Variants in FHIT observed in about 807,000 individuals in gnomAD.
FHIT encodes fragile histidine triad diadenosine triphosphatase.
FHIT carries 19 observed loss-of-function variants against 17.9 expected under a neutral mutation model. The ratio of observed to expected loss-of-function variants is 1.06; its 90% CI spans 0.74 to 1.56. The LOEUF (loss-of-function observed/expected upper bound fraction) is 1.56, where lower values mean the gene tolerates loss of function less well. Ranked by LOEUF, FHIT falls within the 40% of genes most tolerant of loss-of-function variation. FHIT has a pLI of 0.00. For missense variants in FHIT, 248 were observed against 189.2 expected (o/e 1.31, Z -1.82); for synonymous variants, 81 against 69.7 (o/e 1.16, Z -0.81).
At chr3:60,958,671 A>G (rs1553779642) in intron 3 of FHIT, among the ~76,000 whole-genome samples, 1 of 152,208 alleles carries the variant, frequency 6.6e-6, no homozygotes, top group African/African-American at 2.4e-5. Context: ...TGGGAGGGAC[A>G]GAGCATAATT....
chr3:61,202,350 G>A (rs972083803), intron 1 of FHIT, among the ~76,000 whole-genome samples: 1 of 151,942 alleles, frequency 6.6e-6, no homozygotes, highest in African/African-American at 2.4e-5. Context: ...TCTGGGAAGT[G>A]AGGAGTGCCT....
At chr3:60,800,125 C>T (rs1378117549) in intron 4 of FHIT, among the ~76,000 whole-genome samples, 5 of 152,114 alleles carry the variant, frequency 3.3e-5, no homozygotes, top group African/African-American at 1.2e-4. Flanking sequence ...CCACTCAGAT[C>T]CTTTATTCAT....
chr3:60,620,890 G>T (rs1487440627), intron 4 of FHIT, among the ~76,000 whole-genome samples: 1 of 152,032 alleles, frequency 6.6e-6, no homozygotes, highest in Non-Finnish European at 1.5e-5. Flanking sequence ...GGAAACTGGG[G>T]GAGTGGTGGG....
chr3:60,137,622 C>A (rs1449787443), intron 5 of FHIT, among the ~76,000 whole-genome samples: 1 of 152,144 alleles, frequency 6.6e-6, no homozygotes. Context: ...GCTTGTCAGG[C>A]ATGATGTCCT....
intron 4 of FHIT, among the ~76,000 whole-genome samples, chr3:60,725,271 G>A (rs1164220514): frequency 6.6e-6 from 1 of 152,064 alleles, no homozygotes; most frequent in Non-Finnish European, 1.5e-5. Flanking sequence ...GTCCTTTAAA[G>A]CATAAAAGTT....
At position 60,682,445 on chromosome 3, in the gene FHIT, T is replaced by C. The variant is rs1265430360; in HGVS notation, c.-18+139474A>G. On this transcript the variant is annotated intron_variant, in intron 4 of 9. Transcript: ENST00000492590. The stretch of plus-strand genomic sequence containing the variant: ...GACTTTAAGTTGAAGCCAATGCTCA[T>C]TGACCATTCTGAAAATGCTAAGGCC... Among the ~76,000 whole-genome samples the C allele has an allele frequency of 3.3e-5, 5 of 152,224 alleles. No homozygotes were observed. In the East Asian group the frequency reaches 5.8e-4, roughly 18 times the overall value.
At chr3:60,013,257 G>C (rs1700210324) in intron 6 of FHIT, among the ~76,000 whole-genome samples, 2 of 152,170 alleles carry the variant, frequency 1.3e-5, no homozygotes, top group African/African-American at 2.4e-5. Flanking sequence ...CTAACAGGCT[G>C]AGTACAGAGT....
intron 5 of FHIT, among the ~76,000 whole-genome samples, chr3:60,243,289 T>C (rs1705226928): frequency 6.6e-6 from 1 of 152,070 alleles, no homozygotes; most frequent in African/African-American, 2.4e-5. Context: ...ATTCAACAAC[T>C]GAACAAAAGG....
intron 5 of FHIT, among the ~76,000 whole-genome samples, chr3:60,100,892 C>T (rs777299072): frequency 6.6e-6 from 1 of 152,188 alleles, no homozygotes; most frequent in Non-Finnish European, 1.5e-5. Context: ...CCAAGAACCA[C>T]TTGACCTTTG....
intron 2 of FHIT, among the ~76,000 whole-genome samples, chr3:61,053,913 T>C (rs2034120301): frequency 6.6e-6 from 1 of 152,040 alleles, no homozygotes; most frequent in African/African-American, 2.4e-5. Context: ...TAAGCAGAGG[T>C]GACTGTGGGC....
chr3:60,580,510 T>C (rs1407921888), intron 4 of FHIT, among the ~76,000 whole-genome samples: 1 of 152,056 alleles, frequency 6.6e-6, no homozygotes, highest in African/African-American at 2.4e-5. Context: ...CATTTTAATA[T>C]TTCATCTCAT....
rs570873788 is a variant in FHIT, at chr3:59,812,987, T to G, written c.349-60666A>C. ...AGGGAAAATTCCGTGCCCCTGGGTT[T>G]AACAGTAAGTCCTAATCACGCTTGC... On this transcript the variant is annotated intron_variant, in intron 8 of 9. Transcript: ENST00000492590. 2.4e-3 allele frequency among the ~76,000 whole-genome samples: 367 copies of G among 152,276 alleles called. 1 individual carries two copies. The highest frequency in any genetic ancestry group is 2.7e-3 in the Non-Finnish European group (184 of 68,024).
At chr3:60,383,262 C>T (rs1310757131) in intron 5 of FHIT, among the ~76,000 whole-genome samples, 1 of 152,108 alleles carries the variant, frequency 6.6e-6, no homozygotes, top group Non-Finnish European at 1.5e-5. Flanking sequence ...GGTGAGATCT[C>T]ATTTTATAAT....
intron 2 of FHIT, among the ~76,000 whole-genome samples, chr3:61,068,046 G>A (rs1009635439): frequency 5.3e-5 from 8 of 152,178 alleles, no homozygotes; most frequent in African/African-American, 1.9e-4. Flanking sequence ...CAGAGTTTCT[G>A]ATTAAGTAAG....
chr3:60,303,599 G>A (rs1449733016), intron 5 of FHIT, among the ~76,000 whole-genome samples: 2 of 152,128 alleles, frequency 1.3e-5, no homozygotes, highest in Admixed American at 1.3e-4. Context: ...CAGTGTTGAT[G>A]TGTGCCGCTT....
chr3:60,218,765 C>G (rs1331964761), intron 5 of FHIT, among the ~76,000 whole-genome samples: 3 of 151,880 alleles, frequency 2.0e-5, no homozygotes, highest in Non-Finnish European at 4.4e-5. Context: ...ATTATTAGCC[C>G]AAGGATATGT....
chr3:61,006,291 G>A lies in FHIT; in HGVS notation c.-111+35756C>T, dbSNP rs189938475. ...AAGAAGACTCAGAAGGTAACCTCAA[G>A]CAGTATTTTTTAAGGAAATTTCTTC... On this transcript the variant is annotated intron_variant, in intron 3 of 9. Coordinates refer to ENST00000492590, the MANE Select transcript of FHIT (RefSeq NM_002012.4). Among the ~76,000 whole-genome samples, 339 of 152,270 alleles carry A rather than the reference G, an allele frequency of 2.2e-3. 1 individual carries two copies. Among genetic ancestry groups the A allele is most frequent in the African/African-American group, 7.7e-3 (320 of 41,552 alleles).
intron 4 of FHIT, among the ~76,000 whole-genome samples, chr3:60,738,619 T>A (rs1351425707): frequency 1.3e-5 from 2 of 152,206 alleles, no homozygotes; most frequent in Admixed American, 1.3e-4. Flanking sequence ...AGACATTGGT[T>A]CAAGTTCTCG....
chr3:59,763,045 C>A (rs998601665), intron 8 of FHIT, among the ~76,000 whole-genome samples: 1 of 152,118 alleles, frequency 6.6e-6, no homozygotes, highest in Non-Finnish European at 1.5e-5. Context: ...CTTTTTCCCC[C>A]CCGCCGGTGT....
Sources: allele counts gnomAD v4.1 joint callset (sites outside exome capture counted in the v4.1 genomes callset), GRCh38; gene constraint gnomAD v4.1.1; transcripts MANE v1.5; gene names NCBI Gene and HGNC (gene_info 2026-07-23, HGNC 2026-07-21).